The following NAGS variants were observed in gnomAD, a reference collection of about 807,000 sequenced individuals.
NAGS encodes the protein N-acetylglutamate synthase, mitochondrial.
NAGS carries 34 observed loss-of-function variants against 46.9 expected under a neutral mutation model. The ratio of observed to expected loss-of-function variants is 0.72; its 90% CI spans 0.55 to 0.97. The LOEUF (loss-of-function observed/expected upper bound fraction) is 0.97, where lower values mean the gene tolerates loss of function less well. NAGS is among the 50% of genes least tolerant of loss of function. The pLI, the probability that NAGS is intolerant of heterozygous loss-of-function variation, is 0.00. For missense variants in NAGS, 665 were observed against 747.0 expected, an observed-to-expected ratio of 0.89 and a Z score of 1.28; for synonymous variants, 334 against 346.3, an observed-to-expected ratio of 0.96 and a Z score of 0.39.
In NAGS at chr17:44,006,900, TG is replaced by T; in HGVS notation, c.1096+193del. ...TGAGAGAGGAGGAGACCCAGTGTAC[TG>T]GAAGGGAACTCCGAAGGAATTAAAG... is the stretch of plus-strand genomic sequence containing the variant. On this transcript the variant is annotated intron_variant, in intron 4 of 6. Coordinates refer to ENST00000293404, the MANE Select transcript of NAGS (RefSeq NM_153006.3). The surrounding 1 kb of genome is among the most constrained non-coding windows in gnomAD (Gnocchi z 4.8). The T allele has an allele frequency of 1.2e-5, 6 of 507,456 alleles. No homozygotes were observed. The highest frequency in any genetic ancestry group is 2.0e-5 in the Non-Finnish European group (6 of 299,222). The allele number at this position is 507,456 out of a possible 1,614,324, so 31.4% of individuals were successfully genotyped here.
In NAGS at chr17:44,007,389, A is replaced by G; in HGVS notation, c.1163A>G (p.Gln388Arg). ...LRVRSLDKLD[Q>R]GRLVDLVNAS... The stretch of plus-strand genomic sequence containing the variant: ...GTGCGCAGCCTGGACAAGCTGGACC[A>G]GGGCCGTCTAGTGGACCTGGTCAAC... The change falls in exon 5 of 7, where the codon CAG (glutamine) becomes CGG (arginine). Residue 388 changes from glutamine (Q) to arginine (R), a missense_variant. Physicochemically the swap from Gln to Arg is conservative, Grantham distance 43. Coordinates refer to ENST00000293404, the MANE Select transcript of NAGS (RefSeq NM_153006.3). This position sits in a 1 kb window ranked among gnomAD's most constrained non-coding sequence, Gnocchi z 5.1. The G allele has an allele frequency of 1.2e-6, 2 of 1,612,254 alleles. No individual in the cohort carries two copies. The highest frequency in any genetic ancestry group is 2.2e-5 in the East Asian group (1 of 44,710).
At chr17:44,008,140 C>G (rs1297928715) in intron 6 of NAGS, among the ~76,000 whole-genome samples, 3 of 152,180 alleles carry the variant, frequency 2.0e-5, no homozygotes, top group African/African-American at 7.2e-5. Flanking sequence ...AGGAAGTGAG[C>G]AAGAACCCTC....
At position 44,005,532 on chromosome 17, in the gene NAGS, C is replaced by T; in HGVS notation, c.427-105C>T. ...ACTGGTGGCCAGAACTGGGTCCTGA[C>T]AGCTTCTGGAAGGGTAGGGTCACCG... On this transcript the variant is annotated intron_variant, in intron 1 of 6. Coordinates refer to ENST00000293404, the MANE Select transcript of NAGS (RefSeq NM_153006.3). The surrounding 1 kb of genome is among the most constrained non-coding windows in gnomAD (Gnocchi z 7.2). The T allele has an allele frequency of 6.7e-7, 1 of 1,492,296 alleles. No homozygotes were observed. Among genetic ancestry groups the T allele is most frequent in the Non-Finnish European group, 9.1e-7 (1 of 1,100,658 alleles). 92.4% of individuals were successfully genotyped at this position (1,492,296 alleles called of 1,614,324 possible).
At position 44,005,885 on chromosome 17, in the gene NAGS, C is replaced by T. The variant is rs1436648834; in HGVS notation, c.675C>T (p.Arg225=). ...VPFFGGGSVL[R]AAEPAPHASY... ...TTTTTGGCGGCGGGTCTGTGCTACG[C>T]GCTGCCGAGCCGGCTCCCCATGCCA... Residue 225 remains arginine, a synonymous_variant, in exon 2 of 7, where the codon CGC becomes CGT. Coordinates refer to ENST00000293404, the MANE Select transcript of NAGS (RefSeq NM_153006.3). The surrounding 1 kb of genome is among the most constrained non-coding windows in gnomAD (Gnocchi z 7.2). 1.3e-6 allele frequency: 2 copies of T among 1,548,044 alleles called. No individual in the cohort carries two copies. Among genetic ancestry groups the T allele is most frequent in the Non-Finnish European group, 1.7e-6 (2 of 1,149,778 alleles).
At position 44,006,369 on chromosome 17, in the gene NAGS, G is replaced by C; in HGVS notation, c.915+132G>C. The stretch of plus-strand genomic sequence containing the variant: ...GTAGAAAAGCCTAAGGGAGTATAGG[G>C]GAGGAGTTCAGCCCTGGGTGCCCAG... On this transcript the variant is annotated intron_variant, in intron 3 of 6. Coordinates refer to ENST00000293404, the MANE Select transcript of NAGS (RefSeq NM_153006.3). This position sits in a 1 kb window ranked among gnomAD's most constrained non-coding sequence, Gnocchi z 4.8. 6.9e-7 allele frequency: 1 copy of C among 1,450,082 alleles called. No homozygotes were observed. Among genetic ancestry groups the C allele is most frequent in the African/African-American group, 1.4e-5 (1 of 71,008 alleles). The allele number at this position is 1,450,082 out of a possible 1,614,324, so 89.8% of individuals were successfully genotyped here. A position where few individuals can be genotyped will look rare whatever the true frequency, so the allele number is the denominator to read the frequency against.
Position 44,005,938 on chromosome 17 carries a change from C to G in NAGS, c.701+27C>G. 6.5e-7 allele frequency: 1 copy of G among 1,548,932 alleles called. No homozygotes were observed. Among genetic ancestry groups the G allele is most frequent in the Non-Finnish European group, 8.7e-7 (1 of 1,151,492 alleles). On this transcript the variant is annotated intron_variant, in intron 2 of 6. Coordinates refer to ENST00000293404, the MANE Select transcript of NAGS (RefSeq NM_153006.3). This position sits in a 1 kb window ranked among gnomAD's most constrained non-coding sequence, Gnocchi z 7.2. Reference sequence around the variant, plus strand: ...TGAGTGCCCGCCCTGCCCGCCCAGGCGTCCTCAGAGCGTGCTACTCTGCCC... The same window carrying G: ...TGAGTGCCCGCCCTGCCCGCCCAGGGGTCCTCAGAGCGTGCTACTCTGCCC...
rs1380963090 is a variant in NAGS at position 44,005,646 on chromosome 17, G to A, written c.436G>A (p.Glu146Lys). The A allele has an allele frequency of 6.2e-7, 1 of 1,611,602 alleles. No homozygotes were observed. Among genetic ancestry groups the A allele is most frequent in the South Asian group, 1.1e-5 (1 of 90,402 alleles). ...GCCCACTCCTCCGCAGGTGGACGAG[G>A]AGGTGCTCAAGTGCCAGCAGGGCGT... The part of the protein sequence containing the change: ...KPFAVIEVDE[E>K]VLKCQQGVSS... The change falls in exon 2 of 7, where the codon GAG (glutamate) becomes AAG (lysine). Residue 146 changes from glutamate to lysine, a missense_variant. Physicochemically the swap from Glu to Lys is moderately conservative, Grantham distance 56. Transcript: ENST00000293404. This position sits in a 1 kb window ranked among gnomAD's most constrained non-coding sequence, Gnocchi z 7.2.
Position 44,005,140 on chromosome 17 carries a change from C to A in NAGS, c.426+51C>A. 2 of 1,528,512 alleles carry A rather than the reference C, an allele frequency of 1.3e-6. No individual in the cohort carries two copies. Among genetic ancestry groups the A allele is most frequent in the Non-Finnish European group, 1.8e-6 (2 of 1,139,156 alleles). The allele number at this position is 1,528,512 out of a possible 1,614,324, so 94.7% of individuals were successfully genotyped here. A position where few individuals can be genotyped will look rare whatever the true frequency, so the allele number is the denominator to read the frequency against. The stretch of plus-strand genomic sequence containing the variant: ...GACGCAGCGAGGGGATGGGGTTGTG[C>A]GGCCACCTGTCCTCAGGCATGGCAG... On this transcript the variant is annotated intron_variant, in intron 1 of 6. Coordinates refer to ENST00000293404, the MANE Select transcript of NAGS (RefSeq NM_153006.3). This position sits in a 1 kb window ranked among gnomAD's most constrained non-coding sequence, Gnocchi z 7.2.
rs2049125709 is a variant in NAGS at position 44,008,694 on chromosome 17, G to A, written c.*93G>A. The A allele has an allele frequency of 1.3e-6, 2 of 1,543,554 alleles. No individual in the cohort carries two copies. The highest frequency in any genetic ancestry group is 1.8e-6 in the Non-Finnish European group (2 of 1,118,942). Reference sequence around the variant, plus strand: ...GACCCCAGGCAGCCAGCCACAGGCTGAAGGGGGCTTGTTGGCTGAGTGATC... The same window carrying A: ...GACCCCAGGCAGCCAGCCACAGGCTAAAGGGGGCTTGTTGGCTGAGTGATC... On this transcript the variant is annotated 3_prime_UTR_variant, in exon 7 of 7. Coordinates refer to ENST00000293404, the MANE Select transcript of NAGS (RefSeq NM_153006.3).
At position 44,004,660 on chromosome 17, in the gene NAGS, C is replaced by T; in HGVS notation, c.-4C>T. The T allele has an allele frequency of 6.6e-7, 1 of 1,520,686 alleles. No individual in the cohort carries two copies. The highest frequency in any genetic ancestry group is 8.8e-7 in the Non-Finnish European group (1 of 1,131,934). 94.2% of individuals were successfully genotyped at this position (1,520,686 alleles called of 1,614,324 possible). ...CTCTTGGGGGGCAAGAGTTGGTTGT[C>T]GTCATGGCGACGGCGCTGATGGCTG... On this transcript the variant is annotated 5_prime_UTR_variant, in exon 1 of 7. Coordinates refer to ENST00000293404, the MANE Select transcript of NAGS (RefSeq NM_153006.3).
Position 44,006,344 on chromosome 17 carries a change from G to T in NAGS, c.915+107G>T, listed in dbSNP as rs529091187. 111 of 1,497,130 alleles carry T rather than the reference G, an allele frequency of 7.4e-5. 1 individual carries two copies. In the African/African-American group the frequency reaches 1.4e-3, roughly 19 times the overall value. The allele number at this position is 1,497,130 out of a possible 1,614,324, so 92.7% of individuals were successfully genotyped here. On this transcript the variant is annotated intron_variant, in intron 3 of 6. Transcript: ENST00000293404. The surrounding 1 kb of genome is among the most constrained non-coding windows in gnomAD (Gnocchi z 4.8). Reference sequence around the variant, plus strand: ...GCAGACTCACTAGCAAGCCGGGTGGGTAGAAAAGCCTAAGGGAGTATAGGG... The same window carrying T: ...GCAGACTCACTAGCAAGCCGGGTGGTTAGAAAAGCCTAAGGGAGTATAGGG...
At position 44,006,743 on chromosome 17, in the gene NAGS, C is replaced by T. The variant is rs535667286; in HGVS notation, c.1096+34C>T. The T allele has an allele frequency of 6.4e-7, 1 of 1,567,574 alleles. No individual in the cohort carries two copies. The highest frequency in any genetic ancestry group is 1.2e-5 in the South Asian group (1 of 85,610). On this transcript the variant is annotated intron_variant, in intron 4 of 6. Transcript: ENST00000293404. The surrounding 1 kb of genome is among the most constrained non-coding windows in gnomAD (Gnocchi z 4.8). ...GGTGGGCGGGCCGGGGACTGGGTCC[C>T]GGGAGTGAGTACTGGCCGGGGCTGG...
Position 44,008,934 on chromosome 17 carries a change from T to C in NAGS, c.*333T>C. 1 of 414,306 alleles carries C rather than the reference T, an allele frequency of 2.4e-6. No individual in the cohort carries two copies. The highest frequency in any genetic ancestry group is 2.4e-5 in the South Asian group (1 of 41,126). 25.7% of individuals were successfully genotyped at this position (414,306 alleles called of 1,614,324 possible). A position where few individuals can be genotyped will look rare whatever the true frequency, so the allele number is the denominator to read the frequency against. Reference sequence around the variant, plus strand: ...CTAAGGGTGAGCTAGTTTCTGTGCCTCTGTGCTATGTTTTGAGGCTCCCTT... The same window carrying C: ...CTAAGGGTGAGCTAGTTTCTGTGCCCCTGTGCTATGTTTTGAGGCTCCCTT... On this transcript the variant is annotated 3_prime_UTR_variant, in exon 7 of 7. Transcript: ENST00000293404.
intron 6 of NAGS, among the ~76,000 whole-genome samples, chr17:44,008,077 C>A (rs1173977798): frequency 1.3e-5 from 2 of 152,190 alleles, no homozygotes; most frequent in East Asian, 3.9e-4. Context: ...AACATCCCTC[C>A]TCTCTCCTTC....
Position 44,006,850 on chromosome 17 carries a change from T to TG in NAGS, c.1096+142dup. ...CGGGGGGTGTCACAGCAATGGCTCC[T>TG]GCTGCTGCCGAAACCCGGGGGAGGT... is the stretch of plus-strand genomic sequence containing the variant. On this transcript the variant is annotated intron_variant, in intron 4 of 6. Coordinates refer to ENST00000293404, the MANE Select transcript of NAGS (RefSeq NM_153006.3). This position sits in a 1 kb window ranked among gnomAD's most constrained non-coding sequence, Gnocchi z 4.8. 1.1e-6 allele frequency: 1 copy of TG among 871,326 alleles called. No individual in the cohort carries two copies. The highest frequency in any genetic ancestry group is 1.7e-6 in the Non-Finnish European group (1 of 585,884). The allele number at this position is 871,326 out of a possible 1,614,324, so 54.0% of individuals were successfully genotyped here. A position where few individuals can be genotyped will look rare whatever the true frequency, so the allele number is the denominator to read the frequency against.
chr17:44,007,214 G>A lies in NAGS; in HGVS notation c.1097-109G>A, dbSNP rs2049105156. The A allele has an allele frequency of 1.0e-6, 1 of 956,558 alleles. No homozygotes were observed. Among genetic ancestry groups the A allele is most frequent in the Non-Finnish European group, 1.6e-6 (1 of 634,148 alleles). 59.3% of individuals were successfully genotyped at this position (956,558 alleles called of 1,614,324 possible). On this transcript the variant is annotated intron_variant, in intron 4 of 6. Transcript: ENST00000293404. This position sits in a 1 kb window ranked among gnomAD's most constrained non-coding sequence, Gnocchi z 5.1. Reference sequence around the variant, plus strand: ...CCACTGAAATCATTTCACTGTGGAGGTCTCCCAAAGACGGAAATTGTCCCA... The same window carrying A: ...CCACTGAAATCATTTCACTGTGGAGATCTCCCAAAGACGGAAATTGTCCCA...
At position 44,006,698 on chromosome 17, in the gene NAGS, T is replaced by C; in HGVS notation, c.1085T>C (p.Phe362Ser). ...GCTAGCACGCTGCTCACTGAGCTCT[T>C]TAGCAACAAGGGTGAGGGCGGTGGG... ...TAASTLLTEL[F>S]SNKGSGTLFK... The change falls in exon 4 of 7, where the codon TTT becomes TCT. Residue 362 changes from phenylalanine (F) to serine (S), a missense_variant. Transcript: ENST00000293404. This position sits in a 1 kb window ranked among gnomAD's most constrained non-coding sequence, Gnocchi z 4.8. The C allele has an allele frequency of 6.2e-7, 1 of 1,607,430 alleles. No homozygotes were observed. Among genetic ancestry groups the C allele is most frequent in the South Asian group, 1.1e-5 (1 of 90,788 alleles).
In NAGS at chr17:44,007,614, C is replaced by T. The variant is rs761558985; in HGVS notation, c.1292C>T (p.Thr431Ile). 2.7e-5 allele frequency: 44 copies of T among 1,607,718 alleles called. No homozygotes were observed. The highest frequency in any genetic ancestry group is 3.6e-5 in the Non-Finnish European group (42 of 1,177,204). The change falls in exon 6 of 7, where the codon ACC becomes ATC. Residue 431 changes from threonine to isoleucine, a missense_variant. Thr to Ile is a moderately conservative substitution (Grantham distance 89). Coordinates refer to ENST00000293404, the MANE Select transcript of NAGS (RefSeq NM_153006.3). This position sits in a 1 kb window ranked among gnomAD's most constrained non-coding sequence, Gnocchi z 5.1. Reference protein sequence around the residue: ...SEGYNAAAILTMEPVLGGTPY... With the variant: ...SEGYNAAAILIMEPVLGGTPY... ...AGGTACAACGCCGCCGCCATTCTGA[C>T]CATGGAGCCCGTCCTGGGGGGCACC...
In NAGS at chr17:44,005,437, G is replaced by C. The variant is rs1308848011; in HGVS notation, c.427-200G>C. Among the ~76,000 whole-genome samples, 1 of 152,226 alleles carries C rather than the reference G, an allele frequency of 6.6e-6. No individual in the cohort carries two copies. Among genetic ancestry groups the C allele is most frequent in the Non-Finnish European group, 1.5e-5 (1 of 68,054 alleles). On this transcript the variant is annotated intron_variant, in intron 1 of 6. Coordinates refer to ENST00000293404, the MANE Select transcript of NAGS (RefSeq NM_153006.3). The surrounding 1 kb of genome is among the most constrained non-coding windows in gnomAD (Gnocchi z 7.2). The stretch of plus-strand genomic sequence containing the variant: ...GGAGTCCAAGGTCGGAGGGAGGAGG[G>C]CGGGAGGTACCCCAGCGTGAGACAA...
Sources: gnomAD v4.1 joint callset for allele counts (sites outside exome capture counted in the v4.1 genomes callset) on GRCh38, gnomAD v4.1.1 for gene constraint, Gnocchi (gnomAD v3.1) non-coding constraint, MANE v1.5 for transcripts, NCBI Gene and HGNC (gene_info 2026-07-23, HGNC 2026-07-21) for gene names.